Variants in ADARB2 observed in about 807,000 individuals in gnomAD.
ADARB2 encodes the protein adenosine deaminase RNA specific B2 (inactive).
In ADARB2, 25 loss-of-function variants were observed where a neutral mutation model predicts 62.2. That is an observed-to-expected ratio of 0.40 (90% CI 0.29 to 0.56). ADARB2 has a LOEUF of 0.56. ADARB2 is among the 20% of genes least tolerant of loss of function. The pLI, the probability that ADARB2 is intolerant of heterozygous loss-of-function variation, is 0.43. For synonymous variants in ADARB2, 572 were observed against 500.8 expected (o/e 1.14, Z -1.90); for missense variants, 1,071 against 1,077.4 (o/e 0.99, Z 0.08).
At chr10:1,455,296 A>C (rs181618827) in intron 1 of ADARB2, among the ~76,000 whole-genome samples, 1 of 152,348 alleles carries the variant, frequency 6.6e-6, no homozygotes, top group Admixed American at 6.5e-5. Flanking sequence ...TGTCTTTAAA[A>C]ATAGTCACTC....
intron 1 of ADARB2, among the ~76,000 whole-genome samples, chr10:1,611,611 G>A (rs1411004596): frequency 1.3e-5 from 2 of 152,170 alleles, no homozygotes; most frequent in African/African-American, 4.8e-5. Flanking sequence ...TGGGAACAGG[G>A]CACGGTGCCC....
rs117031045 is a variant in ADARB2 at position 1,680,784 on chromosome 10, T to G, written c.100+56267A>C. Among the ~76,000 whole-genome samples the G allele has an allele frequency of 4.5e-3, 680 of 152,334 alleles. 5 individuals carry two copies. Among genetic ancestry groups the G allele is most frequent in the Middle Eastern group, 0.017 (5 of 294 alleles). ...GCTTCTGGCTAGAGGTAACTCAACG[T>G]AACAGGCATGTTTGGGTCATGCCAG... On this transcript the variant is annotated intron_variant, in intron 1 of 9. Coordinates refer to ENST00000381312, the MANE Select transcript of ADARB2 (RefSeq NM_018702.4).
intron 1 of ADARB2, among the ~76,000 whole-genome samples, chr10:1,392,617 T>C (rs1255807910): frequency 6.6e-6 from 1 of 152,136 alleles, no homozygotes; most frequent in Non-Finnish European, 1.5e-5. Flanking sequence ...AGGAGGAACA[T>C]GGGTTTTACA....
intron 1 of ADARB2, among the ~76,000 whole-genome samples, chr10:1,506,870 C>T (rs1276286082): frequency 6.6e-6 from 1 of 152,198 alleles, no homozygotes; most frequent in African/African-American, 2.4e-5. Context: ...TAAGGAAAAA[C>T]GTGAGGGCCC....
intron 1 of ADARB2, among the ~76,000 whole-genome samples, chr10:1,497,046 A>C (rs1418725031): frequency 6.6e-6 from 1 of 152,200 alleles, no homozygotes; most frequent in African/African-American, 2.4e-5. Flanking sequence ...GACCTGTGAC[A>C]GTGACAGTGA....
intron 1 of ADARB2, among the ~76,000 whole-genome samples, chr10:1,401,313 CACAGAGCCCTGCGGGG>C (rs972949555): frequency 6.6e-5 from 10 of 152,228 alleles, no homozygotes; most frequent in Admixed American, 6.5e-4. Context: ...TGGTAAGCAG[CACAGAGCCCTGCGGGG>C]ACCAGGGTTT....
At position 1,657,689 on chromosome 10, in the gene ADARB2, T is replaced by C. The variant is rs577827966; in HGVS notation, c.100+79362A>G. 3.5e-4 allele frequency among the ~76,000 whole-genome samples: 54 copies of C among 152,316 alleles called. 1 individual carries two copies. The highest frequency in any genetic ancestry group is 2.6e-3 in the Admixed American group (40 of 15,294). Reference sequence around the variant, plus strand: ...CCAAGGATGTAAATGCAGTATGTCCTCTAAGCCGAGCGCAGGGTGCTGGAA... The same window carrying C: ...CCAAGGATGTAAATGCAGTATGTCCCCTAAGCCGAGCGCAGGGTGCTGGAA... On this transcript the variant is annotated intron_variant, in intron 1 of 9. Coordinates refer to ENST00000381312, the MANE Select transcript of ADARB2 (RefSeq NM_018702.4).
intron 3 of ADARB2, among the ~76,000 whole-genome samples, chr10:1,318,793 A>G (rs181323403): frequency 6.6e-6 from 1 of 152,252 alleles, no homozygotes; most frequent in East Asian, 1.9e-4. Flanking sequence ...AGTTGGAATA[A>G]TCTAGTTCCC....
intron 1 of ADARB2, among the ~76,000 whole-genome samples, chr10:1,681,240 G>A (rs1834533490): frequency 6.6e-6 from 1 of 152,174 alleles, no homozygotes; most frequent in Non-Finnish European, 1.5e-5. Context: ...CCTTGTAGTA[G>A]CAATGAAATA....
At chr10:1,661,456 T>C (rs1376779327) in intron 1 of ADARB2, among the ~76,000 whole-genome samples, 1 of 152,242 alleles carries the variant, frequency 6.6e-6, no homozygotes, top group Non-Finnish European at 1.5e-5. Context: ...TTCACTGCCT[T>C]GGGCCAGGTT....
intron 1 of ADARB2, among the ~76,000 whole-genome samples, chr10:1,714,000 G>A (rs1327456570): frequency 6.6e-6 from 1 of 152,218 alleles, no homozygotes; most frequent in Non-Finnish European, 1.5e-5. Context: ...GACTCTGTGT[G>A]TGATTTCACT....
intron 1 of ADARB2, among the ~76,000 whole-genome samples, chr10:1,733,712 C>T (rs884863): frequency 0.48 from 73,325 of 151,968 alleles, 18,535 homozygotes; most frequent in Non-Finnish European, 0.55. Context: ...GAGCTATTTT[C>T]TAATACAGGC....
chr10:1,292,969 AGGGAGGGAAGGAGAGAGAGAGG>A (rs1202620808), intron 3 of ADARB2: 1 of 22,640 alleles, frequency 4.4e-5, no homozygotes, highest in Non-Finnish European at 1.2e-4. Flanking sequence ...AGAGAGGGAG[AGGGAGGGAAGGAGAGAGAGAGG>A]GAGAGGGAGG....
At chr10:1,665,023 C>G (rs1282472008) in intron 1 of ADARB2, among the ~76,000 whole-genome samples, 2 of 152,122 alleles carry the variant, frequency 1.3e-5, no homozygotes, top group Non-Finnish European at 2.9e-5. Flanking sequence ...CATGCCGACA[C>G]CTTGACCAGG....
rs186556676 is a variant in ADARB2, at chr10:1,658,072, C to G, written c.100+78979G>C. Among the ~76,000 whole-genome samples the G allele has an allele frequency of 1.5e-3, 234 of 151,740 alleles. 1 individual carries two copies. The highest frequency in any genetic ancestry group is 2.8e-3 in the Admixed American group (43 of 15,244). On this transcript the variant is annotated intron_variant, in intron 1 of 9. Coordinates refer to ENST00000381312, the MANE Select transcript of ADARB2 (RefSeq NM_018702.4). ...CTGTCTCTACTGTCTCTCTCTGTGT[C>G]TCTGTGTCTCTCTGTCTGATTCTCT...
chr10:1,507,232 C>T (rs1831863541), intron 1 of ADARB2, among the ~76,000 whole-genome samples: 2 of 152,216 alleles, frequency 1.3e-5, no homozygotes, highest in Admixed American at 6.5e-5. Flanking sequence ...GACGCTGCTA[C>T]AGAGGAAGGA....
intron 1 of ADARB2, among the ~76,000 whole-genome samples, chr10:1,601,146 T>C (rs1257252748): frequency 6.6e-6 from 1 of 152,194 alleles, no homozygotes; most frequent in African/African-American, 2.4e-5. Flanking sequence ...GTTTGCCTGT[T>C]CCCGTCCTCT....
chr10:1,603,242 A>G (rs549349392), intron 1 of ADARB2, among the ~76,000 whole-genome samples: 2 of 152,326 alleles, frequency 1.3e-5, no homozygotes, highest in South Asian at 4.1e-4. Flanking sequence ...TCTTCGGACA[A>G]TTGGTAGGCA....
rs1421747713 is a variant in ADARB2, at chr10:1,332,240, C to CAAAACAATA, written c.1077+30779_1077+30787dup. 2.0e-5 allele frequency among the ~76,000 whole-genome samples: 3 copies of CAAAACAATA among 152,086 alleles called. No individual in the cohort carries two copies. The East Asian group carries it at 5.8e-4, about 29-fold the overall frequency. On this transcript the variant is annotated intron_variant, in intron 3 of 9. Coordinates refer to ENST00000381312, the MANE Select transcript of ADARB2 (RefSeq NM_018702.4). ...ACAACATAATGAGACCTCATCTCCA[C>CAAAACAATA]AAAACAATAAAAAATTAGCCAGGTG...
Sources: gnomAD v4.1 joint callset for allele counts (sites outside exome capture counted in the v4.1 genomes callset) on GRCh38, gnomAD v4.1.1 for gene constraint, MANE v1.5 for transcripts, NCBI Gene and HGNC (gene_info 2026-07-23, HGNC 2026-07-21) for gene names.